The following CFAP210 variants were observed in gnomAD, a reference collection of about 807,000 sequenced individuals.
CFAP210 encodes the protein cilia and flagella associated protein 210, also known as cilia- and flagella- associated protein 210.
At chr2:169,677,635 CT>C in the CFAP210 span, among the ~76,000 whole-genome samples, 37 of 152,180 alleles carry the variant, frequency 2.4e-4, no homozygotes, top group Non-Finnish European at 5.9e-5. Context: ...AGAATGAGTA[CT>C]TTTTCCCCAA....
At chr2:169,686,647 T>G in the CFAP210 span, among the ~76,000 whole-genome samples, 3 of 152,066 alleles carry the variant, frequency 2.0e-5, no homozygotes, top group Non-Finnish European at 4.4e-5. Flanking sequence ...AAGCCAACAG[T>G]CTCAATTCCA....
chr2:169,653,056 ATATATATATATGTATG>A, the CFAP210 span, among the ~76,000 whole-genome samples: 1 of 101,992 alleles, frequency 9.8e-6, no homozygotes, highest in Non-Finnish European at 1.9e-5. Flanking sequence ...ATATATATAT[ATATATATATATGTATG>A]TGTGTATATA....
chr2:169,664,739 C>A, the CFAP210 span, among the ~76,000 whole-genome samples: 2 of 152,226 alleles, frequency 1.3e-5, no homozygotes, highest in African/African-American at 4.8e-5. Flanking sequence ...CCTTCTCAAA[C>A]AATGCATTGG....
At chr2:169,671,781 TAAG>T in the CFAP210 span, among the ~76,000 whole-genome samples, 1 of 152,224 alleles carries the variant, frequency 6.6e-6, no homozygotes, top group Non-Finnish European at 1.5e-5. Flanking sequence ...GTGAACTTCT[TAAG>T]AAGACTACAT....
At chr2:169,663,652 A>C in the CFAP210 span, among the ~76,000 whole-genome samples, 1 of 152,172 alleles carries the variant, frequency 6.6e-6, no homozygotes, top group Admixed American at 6.5e-5. Flanking sequence ...TGTTAAGCCA[A>C]TTCAGGACAG....
At chr2:169,686,630 T>C in the CFAP210 span, among the ~76,000 whole-genome samples, 1 of 152,152 alleles carries the variant, frequency 6.6e-6, no homozygotes, top group Non-Finnish European at 1.5e-5. Flanking sequence ...CTCTTCCTCT[T>C]CTTATGAAGC....
the CFAP210 span, among the ~76,000 whole-genome samples, chr2:169,682,157 G>A: frequency 1.3e-5 from 2 of 152,090 alleles, no homozygotes; most frequent in African/African-American, 2.4e-5. Flanking sequence ...TTGGAAAAAC[G>A]GTCCTACCCT....
the CFAP210 span, among the ~76,000 whole-genome samples, chr2:169,671,333 T>G: frequency 6.6e-6 from 1 of 152,224 alleles, no homozygotes; most frequent in Non-Finnish European, 1.5e-5. Context: ...AGGAACCAGT[T>G]TCTTCTGCAA....
chr2:169,682,971 C>T, the CFAP210 span, among the ~76,000 whole-genome samples: 2 of 152,012 alleles, frequency 1.3e-5, no homozygotes, highest in African/African-American at 4.8e-5. Context: ...ATTATTTTTA[C>T]TATTAGTATG....
the CFAP210 span, among the ~76,000 whole-genome samples, chr2:169,680,429 T>C: frequency 2.6e-5 from 4 of 152,246 alleles, no homozygotes; most frequent in South Asian, 6.2e-4. Flanking sequence ...TGGAAGCATA[T>C]GTCCATACAT....
At chr2:169,689,566 A>G in the CFAP210 span, among the ~76,000 whole-genome samples, 1 of 152,210 alleles carries the variant, frequency 6.6e-6, no homozygotes, top group African/African-American at 2.4e-5. Flanking sequence ...GAATATAGAA[A>G]GTTTTATTTC....
the CFAP210 span, among the ~76,000 whole-genome samples, chr2:169,654,576 C>T: frequency 1.3e-5 from 2 of 151,886 alleles, no homozygotes; most frequent in East Asian, 3.9e-4. Context: ...ATAGTATATT[C>T]CAATTTCACA....
chr2:169,661,502 G>C, the CFAP210 span: 1 of 248,860 alleles, frequency 4.0e-6, no homozygotes, highest in East Asian at 9.9e-5. Context: ...CCTGGAGCTA[G>C]AGAGCAGTGG....
the CFAP210 span, among the ~76,000 whole-genome samples, chr2:169,682,999 A>G: frequency 6.6e-6 from 1 of 152,168 alleles, no homozygotes; most frequent in Non-Finnish European, 1.5e-5. Flanking sequence ...GAATGAAACA[A>G]GTAGAGAGAA....
At chr2:169,691,683 CTTTA>C in the CFAP210 span, among the ~76,000 whole-genome samples, 5 of 152,082 alleles carry the variant, frequency 3.3e-5, no homozygotes, top group African/African-American at 7.2e-5. Flanking sequence ...TTGGGTCATA[CTTTA>C]TTTCTTTTCA....
chr2:169,676,088 T>C, the CFAP210 span, among the ~76,000 whole-genome samples: 3 of 152,254 alleles, frequency 2.0e-5, no homozygotes, highest in African/African-American at 7.2e-5. Flanking sequence ...TTAATCTCTT[T>C]CATATGCCAA....
chr2:169,669,276 T>A, the CFAP210 span, among the ~76,000 whole-genome samples: 3 of 152,176 alleles, frequency 2.0e-5, no homozygotes, highest in Admixed American at 2.0e-4. Context: ...GGAGGCATCA[T>A]AACTAAGAGG....
the CFAP210 span, among the ~76,000 whole-genome samples, chr2:169,657,848 T>A: frequency 3.3e-5 from 5 of 152,186 alleles, no homozygotes; most frequent in Non-Finnish European, 7.4e-5. Context: ...AAACAATTAA[T>A]ACAAAATTCT....
At chr2:169,657,779 T>A in the CFAP210 span, among the ~76,000 whole-genome samples, 3 of 152,086 alleles carry the variant, frequency 2.0e-5, no homozygotes, top group African/African-American at 7.2e-5. Flanking sequence ...ATATGTCAGA[T>A]GAAGATCATC....
Sources: allele counts gnomAD v4.1 joint callset (sites outside exome capture counted in the v4.1 genomes callset), GRCh38; gene constraint gnomAD v4.1.1; transcripts MANE v1.5; gene names NCBI Gene and HGNC (gene_info 2026-07-23, HGNC 2026-07-21).